Variants in PRIMA1 observed in about 807,000 individuals in gnomAD.
PRIMA1 encodes the protein proline rich membrane anchor 1.
PRIMA1 carries 7 observed loss-of-function variants against 17.5 expected under a neutral mutation model. The observed-to-expected ratio is 0.40, with a 90% confidence interval of 0.23 to 0.75. The LOEUF is 0.75. PRIMA1 is among the 30% of genes least tolerant of loss of function. The probability of loss-of-function intolerance (pLI) is 0.37; values close to 1 mark genes in which losing one functional copy is unlikely to be tolerated. For synonymous variants in PRIMA1, 97 were observed against 77.9 expected, an observed-to-expected ratio of 1.25 and a Z score of -1.29; for missense variants, 200 against 201.8, an observed-to-expected ratio of 0.99 and a Z score of 0.05.
Position 93,726,978 on chromosome 14 carries a change from C to G in PRIMA1, c.360-5432G>C, listed in dbSNP as rs1297822585. 1.3e-5 allele frequency among the ~76,000 whole-genome samples: 2 copies of G among 152,188 alleles called. No homozygotes were observed. The highest frequency in any genetic ancestry group is 4.8e-5 in the African/African-American group (2 of 41,432). On this transcript the variant is annotated intron_variant, in intron 4 of 4. Coordinates refer to ENST00000393140, the MANE Select transcript of PRIMA1 (RefSeq NM_178013.4). This position sits in a 1 kb window ranked among gnomAD's most constrained non-coding sequence, Gnocchi z 4.2. Reference sequence around the variant, plus strand: ...ACACACTCAGCGTTCCATGATGAGACTCCTCTGTAGACCTCAGACTTCCCC... The same window carrying G: ...ACACACTCAGCGTTCCATGATGAGAGTCCTCTGTAGACCTCAGACTTCCCC...
intron 3 of PRIMA1, among the ~76,000 whole-genome samples, chr14:93,776,216 T>A (rs1236592803): frequency 6.6e-6 from 1 of 152,200 alleles, no homozygotes; most frequent in African/African-American, 2.4e-5. Context: ...ATCTGCTGCC[T>A]GGATATCCTG....
chr14:93,736,404 C>T (rs1016326652), intron 4 of PRIMA1, among the ~76,000 whole-genome samples: 1 of 152,168 alleles, frequency 6.6e-6, no homozygotes, highest in Non-Finnish European at 1.5e-5. Flanking sequence ...ACCCAGTGCC[C>T]GGCTGAGGTA....
intron 4 of PRIMA1, among the ~76,000 whole-genome samples, chr14:93,724,393 CTTGT>C (rs2076061465): frequency 6.6e-6 from 1 of 152,200 alleles, no homozygotes; most frequent in South Asian, 2.1e-4. Flanking sequence ...GCTGTGCTAC[CTTGT>C]TTATGTCGGG....
At chr14:93,766,931 C>T in intron 3 of PRIMA1, among the ~76,000 whole-genome samples, 1 of 152,174 alleles carries the variant, frequency 6.6e-6, no homozygotes, top group East Asian at 1.9e-4. Context: ...TTCATCTCTA[C>T]CCAGTGCATG....
At chr14:93,774,964 C>G (rs902802461) in intron 3 of PRIMA1, among the ~76,000 whole-genome samples, 1 of 152,216 alleles carries the variant, frequency 6.6e-6, no homozygotes, top group Non-Finnish European at 1.5e-5. Flanking sequence ...AGGGCTAGCA[C>G]GCCAACATAG....
At chr14:93,741,061 A>T (rs1471752244) in intron 3 of PRIMA1, among the ~76,000 whole-genome samples, 1 of 152,196 alleles carries the variant, frequency 6.6e-6, no homozygotes, top group Non-Finnish European at 1.5e-5. Flanking sequence ...TTATCACCGC[A>T]TGTGTATGAG....
At chr14:93,747,650 GTA>G (rs2076228101) in intron 3 of PRIMA1, among the ~76,000 whole-genome samples, 1 of 150,456 alleles carries the variant, frequency 6.6e-6, no homozygotes, top group Non-Finnish European at 1.5e-5. Flanking sequence ...GGAGTATTGT[GTA>G]TGAGTGTGTG....
intron 3 of PRIMA1, among the ~76,000 whole-genome samples, chr14:93,747,066 C>T (rs1241198439): frequency 6.6e-6 from 1 of 152,128 alleles, no homozygotes; most frequent in African/African-American, 2.4e-5. Flanking sequence ...GTGGCCAGCA[C>T]CTAGCCCTGA....
At chr14:93,768,979 C>T (rs920046988) in intron 3 of PRIMA1, among the ~76,000 whole-genome samples, 1 of 45,800 alleles carries the variant, frequency 2.2e-5, no homozygotes, top group African/African-American at 6.9e-5. Flanking sequence ...CTAAAGATCA[C>T]TTTTTTAAAA....
chr14:93,776,698 T>C (rs1034962398), intron 3 of PRIMA1, among the ~76,000 whole-genome samples: 1 of 152,254 alleles, frequency 6.6e-6, no homozygotes, highest in Non-Finnish European at 1.5e-5. Context: ...TTATGAGAGC[T>C]GATTTTAGAT....
At chr14:93,764,831 C>A (rs1007633404) in intron 3 of PRIMA1, among the ~76,000 whole-genome samples, 7 of 152,190 alleles carry the variant, frequency 4.6e-5, no homozygotes, top group Admixed American at 1.3e-4. Context: ...GTAGCAGATG[C>A]TGCTGGTGCC....
intron 3 of PRIMA1, among the ~76,000 whole-genome samples, chr14:93,748,824 T>G (rs1318739771): frequency 6.6e-6 from 1 of 152,004 alleles, no homozygotes; most frequent in Non-Finnish European, 1.5e-5. Flanking sequence ...CCCAATACAT[T>G]ATTAATAATT....
intron 3 of PRIMA1, among the ~76,000 whole-genome samples, chr14:93,742,154 G>A: frequency 6.6e-6 from 1 of 152,222 alleles, no homozygotes; most frequent in East Asian, 1.9e-4. Context: ...CCATACCAAA[G>A]ATTTGAAACA....
At chr14:93,776,692 GA>G (rs1419578736) in intron 3 of PRIMA1, among the ~76,000 whole-genome samples, 2 of 152,210 alleles carry the variant, frequency 1.3e-5, no homozygotes, top group African/African-American at 4.8e-5. Context: ...CTGCAGTTAT[GA>G]GAGCTGATTT....
At chr14:93,728,491 A>G (rs1454080805) in intron 4 of PRIMA1, among the ~76,000 whole-genome samples, 1 of 151,998 alleles carries the variant, frequency 6.6e-6, no homozygotes, top group African/African-American at 2.4e-5. Flanking sequence ...CACCAGCAGG[A>G]GCAGTGGGGC....
chr14:93,761,190 A>C (rs1419529979), intron 3 of PRIMA1, among the ~76,000 whole-genome samples: 1 of 151,962 alleles, frequency 6.6e-6, no homozygotes, highest in Non-Finnish European at 1.5e-5. Flanking sequence ...TACTAAAAAT[A>C]CAAAAAAAAA....
At chr14:93,776,013 C>A (rs757049636) in intron 3 of PRIMA1, among the ~76,000 whole-genome samples, 2 of 152,300 alleles carry the variant, frequency 1.3e-5, no homozygotes, top group South Asian at 2.1e-4. Flanking sequence ...GGACTTCCCT[C>A]GGACTACTGG....
intron 3 of PRIMA1, among the ~76,000 whole-genome samples, chr14:93,744,799 C>T (rs2076206513): frequency 6.6e-6 from 1 of 152,174 alleles, no homozygotes; most frequent in Non-Finnish European, 1.5e-5. Context: ...CTCTTGGCTG[C>T]CCATAACCAC....
chr14:93,783,793 G>C (rs1885447236), intron 2 of PRIMA1, among the ~76,000 whole-genome samples: 1 of 152,178 alleles, frequency 6.6e-6, no homozygotes, highest in Admixed American at 6.5e-5. Context: ...GGAGTCCCCT[G>C]GATTTGGTAC....
Sources: allele counts gnomAD v4.1 joint callset (sites outside exome capture counted in the v4.1 genomes callset), GRCh38; gene constraint gnomAD v4.1.1; non-coding constraint Gnocchi (gnomAD v3.1); transcripts MANE v1.5; gene names NCBI Gene and HGNC (gene_info 2026-07-23, HGNC 2026-07-21).